KCNIP4: variants seen among roughly 807,000 people sequenced by gnomAD.
The protein encoded by KCNIP4 is Kv channel-interacting protein 4.
In KCNIP4, 12 loss-of-function variants were observed where a neutral mutation model predicts 34.0. The observed-to-expected ratio is 0.35, with a 90% CI of 0.23 to 0.57. The LOEUF (loss-of-function observed/expected upper bound fraction) is 0.57, where lower values mean the gene tolerates loss of function less well. Among genes scored for constraint, KCNIP4 ranks in the 20% least tolerant of loss-of-function variants. The pLI, the probability that KCNIP4 is intolerant of heterozygous loss-of-function variation, is 0.83. For synonymous variants in KCNIP4, 124 were observed against 102.2 expected (o/e 1.21, Z -1.29); for missense variants, 238 against 311.7 (o/e 0.76, Z 1.78).
chr4:21,624,376 A>G (rs138121360), intron 1 of KCNIP4, among the ~76,000 whole-genome samples: 66 of 152,282 alleles, frequency 4.3e-4, no homozygotes, highest in African/African-American at 1.6e-3. Flanking sequence ...CCAGTCACAT[A>G]TATTTATACA....
At chr4:20,795,628 C>G (rs1713353150) in intron 3 of KCNIP4, among the ~76,000 whole-genome samples, 1 of 152,120 alleles carries the variant, frequency 6.6e-6, no homozygotes, top group African/African-American at 2.4e-5. Flanking sequence ...GCGCTCAAGC[C>G]AGTGTACCAA....
At chr4:20,751,283 AG>A (rs1454851735) in intron 4 of KCNIP4, among the ~76,000 whole-genome samples, 1 of 152,214 alleles carries the variant, frequency 6.6e-6, no homozygotes, top group Non-Finnish European at 1.5e-5. Flanking sequence ...TGTGACATCT[AG>A]AGTGGATATC....
At chr4:21,905,293 G>A (rs13143995) in intron 1 of KCNIP4, among the ~76,000 whole-genome samples, 2 of 152,032 alleles carry the variant, frequency 1.3e-5, no homozygotes, top group East Asian at 3.9e-4. Flanking sequence ...ACATCATGCT[G>A]CTCAGGAAGC....
chr4:21,819,842 T>C (rs985451480), intron 1 of KCNIP4, among the ~76,000 whole-genome samples: 4 of 152,098 alleles, frequency 2.6e-5, no homozygotes, highest in African/African-American at 9.7e-5. Flanking sequence ...TGTTAGAAAA[T>C]TATGAGACAG....
At chr4:20,737,855 G>C (rs994868056) in intron 5 of KCNIP4, among the ~76,000 whole-genome samples, 5 of 152,222 alleles carry the variant, frequency 3.3e-5, no homozygotes, top group African/African-American at 9.6e-5. Flanking sequence ...CAGCAGGCTG[G>C]GGATCATGGC....
rs539206374 is a variant in KCNIP4, at chr4:21,607,495, C to G, written c.61+341076G>C. ...AGTGCTTCCTAACATGTCTACACTC[C>G]AAATTCCCAAAGTGAATGAATGGCT... On this transcript the variant is annotated intron_variant, in intron 1 of 8. Transcript: ENST00000382152. 4.6e-5 allele frequency among the ~76,000 whole-genome samples: 7 copies of G among 152,046 alleles called. 1 individual carries two copies. The South Asian group carries it at 1.5e-3, about 32-fold the overall frequency.
At chr4:20,977,893 C>A (rs115749144) in intron 1 of KCNIP4, among the ~76,000 whole-genome samples, 3,868 of 152,246 alleles carry the variant, frequency 0.025, 158 homozygotes, top group African/African-American at 0.087. Flanking sequence ...GGCCTTACTC[C>A]CTCTCACAAT....
chr4:21,651,145 G>T (rs1747452014), intron 1 of KCNIP4, among the ~76,000 whole-genome samples: 2 of 152,110 alleles, frequency 1.3e-5, no homozygotes, highest in Non-Finnish European at 2.9e-5. Flanking sequence ...TATGAGAGTG[G>T]TATTATGGCA....
chr4:21,846,667 T>C (rs1724035247), intron 1 of KCNIP4: 1 of 152,108 alleles, frequency 6.6e-6, no homozygotes, highest in Non-Finnish European at 1.5e-5. Flanking sequence ...TTATACTAGC[T>C]TGAGGATTTA....
chr4:20,952,029 C>T (rs1049323882), intron 1 of KCNIP4, among the ~76,000 whole-genome samples: 4 of 151,934 alleles, frequency 2.6e-5, no homozygotes, highest in African/African-American at 9.7e-5. Flanking sequence ...AGTGGGTACG[C>T]AGTAAATATA....
intron 1 of KCNIP4, among the ~76,000 whole-genome samples, chr4:21,234,130 A>ATAACGTATATTATATATAACATATG: frequency 1.0e-5 from 1 of 96,490 alleles, no homozygotes; most frequent in East Asian, 2.6e-4. Flanking sequence ...TATAACATAT[A>ATAACGTATATTATATATAACATATG]TAACGTATAT....
At chr4:21,024,485 C>T (rs563346937) in intron 1 of KCNIP4, among the ~76,000 whole-genome samples, 20 of 152,212 alleles carry the variant, frequency 1.3e-4, no homozygotes, top group Non-Finnish European at 2.2e-4. Flanking sequence ...TATAGTCATT[C>T]CCCAACAACT....
chr4:21,067,053 T>A (rs959235086), intron 1 of KCNIP4, among the ~76,000 whole-genome samples: 8 of 152,148 alleles, frequency 5.3e-5, no homozygotes, highest in Non-Finnish European at 1.2e-4. Context: ...GCAACTTGGA[T>A]ACCAGCTCAG....
intron 1 of KCNIP4, among the ~76,000 whole-genome samples, chr4:21,406,190 A>G (rs1361044376): frequency 6.6e-6 from 1 of 152,142 alleles, no homozygotes; most frequent in Non-Finnish European, 1.5e-5. Flanking sequence ...CTGAAAGTCA[A>G]TGCTTCTCGG....
At chr4:21,525,130 A>G (rs1735864823) in intron 1 of KCNIP4, among the ~76,000 whole-genome samples, 1 of 152,166 alleles carries the variant, frequency 6.6e-6, no homozygotes, top group African/African-American at 2.4e-5. Flanking sequence ...AGAATGAGCA[A>G]TTTAACCAAA....
intron 1 of KCNIP4, among the ~76,000 whole-genome samples, chr4:21,937,878 T>A (rs546176048): frequency 1.3e-5 from 2 of 152,206 alleles, no homozygotes; most frequent in Admixed American, 6.5e-5. Context: ...TCCCTTTTTG[T>A]CCATTGACTA....
At chr4:21,176,313 T>A (rs550565955) in intron 1 of KCNIP4, among the ~76,000 whole-genome samples, 5 of 152,114 alleles carry the variant, frequency 3.3e-5, no homozygotes, top group African/African-American at 7.2e-5. Context: ...ATCTTGGAGA[T>A]CCTTCACAAG....
chr4:21,447,772 T>C (rs997104603), intron 1 of KCNIP4, among the ~76,000 whole-genome samples: 3 of 152,088 alleles, frequency 2.0e-5, no homozygotes, highest in African/African-American at 7.2e-5. Context: ...CCTTTTTTTC[T>C]TGTGATCTGC....
intron 1 of KCNIP4, among the ~76,000 whole-genome samples, chr4:21,779,439 C>G (rs1719430558): frequency 6.6e-6 from 1 of 151,942 alleles, no homozygotes. Context: ...CTCAAATGTT[C>G]TTATCAAAAA....
Sources: gnomAD v4.1 joint callset for allele counts (sites outside exome capture counted in the v4.1 genomes callset) on GRCh38, gnomAD v4.1.1 for gene constraint, MANE v1.5 for transcripts, NCBI Gene and HGNC (gene_info 2026-07-23, HGNC 2026-07-21) for gene names.